Variants in LSAMP observed in about 807,000 individuals in gnomAD.
LSAMP encodes the protein limbic system associated membrane protein.
In LSAMP, 7 loss-of-function variants were observed where a neutral mutation model predicts 38.6. The observed-to-expected ratio is 0.18, with a 90% CI of 0.10 to 0.34. The LOEUF (loss-of-function observed/expected upper bound fraction) is 0.34, where lower values mean the gene tolerates loss of function less well. Ranked by LOEUF, LSAMP falls within the 10% of genes least tolerant of loss-of-function variation. The probability of loss-of-function intolerance (pLI) is 1.00; values close to 1 mark genes in which losing one functional copy is unlikely to be tolerated. For synonymous variants in LSAMP, 154 were observed against 166.8 expected, an observed-to-expected ratio of 0.92 and a Z score of 0.59; for missense variants, 313 against 420.0, an observed-to-expected ratio of 0.75 and a Z score of 2.23.
chr3:116,228,217 G>A (rs2046363515), intron 1 of LSAMP, among the ~76,000 whole-genome samples: 1 of 151,988 alleles, frequency 6.6e-6, no homozygotes, highest in Admixed American at 6.5e-5. Context: ...TCTTCATAAA[G>A]TTTTCTACAA....
chr3:116,039,255 ATGGTG>A (rs1489454262), intron 2 of LSAMP, among the ~76,000 whole-genome samples: 1 of 152,230 alleles, frequency 6.6e-6, no homozygotes, highest in Non-Finnish European at 1.5e-5. Context: ...TTATGGAAAG[ATGGTG>A]TTTCCCCCTC....
intron 1 of LSAMP, among the ~76,000 whole-genome samples, chr3:116,220,632 G>T (rs1012538698): frequency 6.6e-6 from 1 of 152,092 alleles, no homozygotes; most frequent in Non-Finnish European, 1.5e-5. Flanking sequence ...GTTGTATGAT[G>T]GAGCAATCAT....
At chr3:116,040,518 A>G (rs1941145205) in intron 2 of LSAMP, among the ~76,000 whole-genome samples, 1 of 152,126 alleles carries the variant, frequency 6.6e-6, no homozygotes, top group African/African-American at 2.4e-5. Context: ...TTGTGTACCC[A>G]CCATTCTTAT....
chr3:115,864,395 C>T (rs1209437423), intron 3 of LSAMP, among the ~76,000 whole-genome samples: 2 of 152,180 alleles, frequency 1.3e-5, no homozygotes, highest in African/African-American at 4.8e-5. Flanking sequence ...CAGGGCTGGA[C>T]CCTTCTTGCT....
At chr3:116,438,060 C>CA (rs10637606) in intron 1 of LSAMP, among the ~76,000 whole-genome samples, 2,620 of 126,264 alleles carry the variant, frequency 0.021, 71 homozygotes, top group African/African-American at 0.045. Context: ...CAGGTAACTA[C>CA]AAAAAAAAAA....
intron 2 of LSAMP, among the ~76,000 whole-genome samples, chr3:116,071,766 C>G (rs1410932410): frequency 2.6e-5 from 4 of 152,130 alleles, no homozygotes; most frequent in Admixed American, 2.6e-4. Flanking sequence ...CCCCAACTAA[C>G]AGGCCCCAGT....
At chr3:115,940,108 G>A (rs1023321390) in intron 3 of LSAMP, among the ~76,000 whole-genome samples, 2 of 152,074 alleles carry the variant, frequency 1.3e-5, no homozygotes, top group African/African-American at 2.4e-5. Context: ...CGGTGGTTTC[G>A]TGGTCTTGCT....
At chr3:115,991,764 G>A (rs778542438) in intron 3 of LSAMP, among the ~76,000 whole-genome samples, 4 of 151,966 alleles carry the variant, frequency 2.6e-5, no homozygotes, top group Non-Finnish European at 4.4e-5. Context: ...GGAAACTGCC[G>A]TTTAAAGACA....
chr3:116,115,827 T>G (rs13098634), intron 1 of LSAMP, among the ~76,000 whole-genome samples: 3 of 152,082 alleles, frequency 2.0e-5, no homozygotes, highest in African/African-American at 7.2e-5. Flanking sequence ...TATGACTTTT[T>G]TTGTTGTTGT....
intron 1 of LSAMP, among the ~76,000 whole-genome samples, chr3:116,148,455 C>T (rs1463826244): frequency 6.6e-6 from 1 of 151,938 alleles, no homozygotes; most frequent in Admixed American, 6.6e-5. Flanking sequence ...AAAAACTCGA[C>T]ATGTTGCTAC....
chr3:116,144,971 C>T (rs1187343452), intron 1 of LSAMP, among the ~76,000 whole-genome samples: 1 of 151,876 alleles, frequency 6.6e-6, no homozygotes. Context: ...CCTCCACTGT[C>T]TTCTGGTCTA....
rs546742643 is a variant in LSAMP, at chr3:115,946,064, A to G, written c.514+73451T>C. On this transcript the variant is annotated intron_variant, in intron 3 of 6. Transcript: ENST00000490035. ...CAAAGCATCACAGTCAATATAAAAAATTAATACCGTAAGGAGACTTCCCAT... is the reference window on the plus strand; with the variant it reads ...CAAAGCATCACAGTCAATATAAAAAGTTAATACCGTAAGGAGACTTCCCAT... 7.9e-5 allele frequency among the ~76,000 whole-genome samples: 12 copies of G among 152,322 alleles called. No homozygotes were observed. In the East Asian group the frequency reaches 2.3e-3, roughly 29 times the overall value.
chr3:116,227,702 C>A (rs1240732759), intron 1 of LSAMP, among the ~76,000 whole-genome samples: 1 of 151,624 alleles, frequency 6.6e-6, no homozygotes, highest in Non-Finnish European at 1.5e-5. Flanking sequence ...GTATGGATGA[C>A]TTTTTGGGTG....
At chr3:116,017,313 A>G (rs1274415750) in intron 3 of LSAMP, among the ~76,000 whole-genome samples, 1 of 152,160 alleles carries the variant, frequency 6.6e-6, no homozygotes, top group African/African-American at 2.4e-5. Flanking sequence ...GTGTCTTTCT[A>G]TTAATGCAGT....
rs77759765 is a variant in LSAMP at position 115,855,712 on chromosome 3, T to C, written c.515-3095A>G. ...CTTTGCCCCGGTGTGTCCGTCCTCA[T>C]GAGAGCAAATTTTCTCCAGTTCTTT... On this transcript the variant is annotated intron_variant, in intron 3 of 6. Coordinates refer to ENST00000490035, the MANE Select transcript of LSAMP (RefSeq NM_002338.5). 2.7e-3 allele frequency among the ~76,000 whole-genome samples: 418 copies of C among 152,348 alleles called. 4 individuals carry two copies. The highest frequency in any genetic ancestry group is 9.7e-3 in the African/African-American group (403 of 41,576).
intron 3 of LSAMP, among the ~76,000 whole-genome samples, chr3:115,988,366 C>G: frequency 6.6e-6 from 1 of 152,112 alleles, no homozygotes; most frequent in Admixed American, 6.6e-5. Context: ...AGACAAGAAA[C>G]ACTGTTTCTC....
chr3:116,003,466 A>G (rs578239840), intron 3 of LSAMP, among the ~76,000 whole-genome samples: 1 of 152,296 alleles, frequency 6.6e-6, no homozygotes, highest in South Asian at 2.1e-4. Flanking sequence ...GTTCCACTCA[A>G]ATCTCATTAT....
At chr3:115,949,007 C>A (rs531052150) in intron 3 of LSAMP, among the ~76,000 whole-genome samples, 2 of 152,266 alleles carry the variant, frequency 1.3e-5, no homozygotes, top group South Asian at 4.1e-4. Flanking sequence ...ATGGCACATG[C>A]CTGTAATCCC....
At chr3:115,962,927 C>T (rs538003447) in intron 3 of LSAMP, among the ~76,000 whole-genome samples, 1 of 152,266 alleles carries the variant, frequency 6.6e-6, no homozygotes, top group African/African-American at 2.4e-5. Flanking sequence ...AGGGGATCAT[C>T]CATAAGCTAC....
Sources: allele counts gnomAD v4.1 joint callset (sites outside exome capture counted in the v4.1 genomes callset), GRCh38; gene constraint gnomAD v4.1.1; transcripts MANE v1.5; gene names NCBI Gene and HGNC (gene_info 2026-07-23, HGNC 2026-07-21).